Variants in UBE2R2 observed in about 807,000 individuals in gnomAD.
UBE2R2 encodes the protein ubiquitin-conjugating enzyme E2 R2.
UBE2R2 carries 1 observed loss-of-function variant against 27.8 expected under a neutral mutation model. The observed-to-expected ratio is 0.04, with a 90% confidence interval of 0.01 to 0.17. The LOEUF (loss-of-function observed/expected upper bound fraction) is 0.17. Ranked by LOEUF, UBE2R2 falls within the 10% of genes least tolerant of loss-of-function variation. UBE2R2 has a pLI of 1.00. For missense variants in UBE2R2, 100 were observed against 291.0 expected, an observed-to-expected ratio of 0.34 and a Z score of 4.78; for synonymous variants, 106 against 113.3, an observed-to-expected ratio of 0.94 and a Z score of 0.41.
In UBE2R2 at chr9:33,818,551, AAG is replaced by A. The variant is rs1403334602; in HGVS notation, c.177+618_177+619del. Reference sequence around the variant, plus strand: ...TGGTAAAAAAAAAAAAAAAAAAAAAAAGGGTGCCCGCGTCGTCTTGTCATTAT... The same window carrying A: ...TGGTAAAAAAAAAAAAAAAAAAAAAAGGTGCCCGCGTCGTCTTGTCATTAT... On this transcript the variant is annotated intron_variant, in intron 1 of 4. Coordinates refer to ENST00000263228, the MANE Select transcript of UBE2R2 (RefSeq NM_017811.4). 1.6e-3 allele frequency: 168 copies of A among 104,310 alleles called. 2 individuals carry two copies. In the South Asian group the frequency reaches 0.018, roughly 11 times the overall value. The allele number at this position is 104,310 out of a possible 1,614,324, so 6.5% of individuals were successfully genotyped here. A position where few individuals can be genotyped will look rare whatever the true frequency, so the allele number is the denominator to read the frequency against.
At chr9:33,883,663 C>A (rs892352743) in intron 1 of UBE2R2, among the ~76,000 whole-genome samples, 1 of 143,462 alleles carries the variant, frequency 7.0e-6, no homozygotes, top group Non-Finnish European at 1.5e-5. Context: ...TGCAGTGAGC[C>A]GAGATTGCAC....
intron 1 of UBE2R2, among the ~76,000 whole-genome samples, chr9:33,844,942 T>G (rs1428433872): frequency 6.6e-6 from 1 of 151,760 alleles, no homozygotes; most frequent in East Asian, 2.0e-4. Flanking sequence ...AATTTTTTTG[T>G]ATTGTTAGTA....
intron 1 of UBE2R2, among the ~76,000 whole-genome samples, chr9:33,841,980 C>G (rs1356083212): frequency 1.3e-5 from 2 of 152,128 alleles, no homozygotes; most frequent in East Asian, 1.9e-4. Context: ...ATGCAATATT[C>G]TCTTTCAACC....
At chr9:33,817,097 T>C (rs936330567), upstream of UBE2R2, among the ~76,000 whole-genome samples, 1 of 151,844 alleles carries the variant, frequency 6.6e-6, no homozygotes, top group South Asian at 2.1e-4. Context: ...CGCCAGCCGC[T>C]GAGAGCCGCC....
intron 1 of UBE2R2, among the ~76,000 whole-genome samples, chr9:33,861,045 G>A (rs1377545028): frequency 6.0e-5 from 9 of 150,556 alleles, no homozygotes; most frequent in Admixed American, 1.3e-4. Flanking sequence ...TGCAAGCTCC[G>A]CCTCCTGGGT....
chr9:33,822,814 T>C (rs1175795788), intron 1 of UBE2R2, among the ~76,000 whole-genome samples: 2 of 151,960 alleles, frequency 1.3e-5, no homozygotes, highest in Admixed American at 6.6e-5. Flanking sequence ...GCCTTCCCTC[T>C]TCCCCCTAAA....
chr9:33,840,344 G>A (rs1240505641), intron 1 of UBE2R2, among the ~76,000 whole-genome samples: 7 of 151,910 alleles, frequency 4.6e-5, no homozygotes, highest in Admixed American at 2.6e-4. Flanking sequence ...TTTTATCACC[G>A]TGTACATTCT....
intron 1 of UBE2R2, chr9:33,818,677 G>C (rs1825895794): frequency 1.3e-5 from 2 of 152,052 alleles, no homozygotes; most frequent in Non-Finnish European, 2.9e-5. Context: ...ATGCCACCAA[G>C]TTTGCCAACC....
chr9:33,819,168 G>C (rs1310476633), intron 1 of UBE2R2, among the ~76,000 whole-genome samples: 1 of 152,116 alleles, frequency 6.6e-6, no homozygotes, highest in African/African-American at 2.4e-5. Flanking sequence ...TTTTAGTTTG[G>C]AAGGGAGGGG....
chr9:33,855,332 A>G (rs1190319767), intron 1 of UBE2R2, among the ~76,000 whole-genome samples: 1 of 152,202 alleles, frequency 6.6e-6, no homozygotes, highest in African/African-American at 2.4e-5. Flanking sequence ...AGATGGACCA[A>G]GAACTTAAAA....
At chr9:33,860,976 TG>T in intron 1 of UBE2R2, among the ~76,000 whole-genome samples, 1 of 150,630 alleles carries the variant, frequency 6.6e-6, no homozygotes, top group Middle Eastern at 3.4e-3. Flanking sequence ...TTTTTTTTTT[TG>T]AGACGGAGTC....
At chr9:33,908,991 A>T (rs1044483413) in intron 3 of UBE2R2, among the ~76,000 whole-genome samples, 5 of 141,178 alleles carry the variant, frequency 3.5e-5, no homozygotes, top group Non-Finnish European at 7.4e-5. Flanking sequence ...GGGGCAACAT[A>T]GTGAGACCCT....
At chr9:33,904,518 A>AC (rs1475927622) in intron 3 of UBE2R2, among the ~76,000 whole-genome samples, 1 of 152,210 alleles carries the variant, frequency 6.6e-6, no homozygotes, top group Non-Finnish European at 1.5e-5. Context: ...ATTGTTCAGC[A>AC]CCTCAATGGA....
At chr9:33,844,357 A>C (rs1157159168) in intron 1 of UBE2R2, among the ~76,000 whole-genome samples, 1 of 152,022 alleles carries the variant, frequency 6.6e-6, no homozygotes, top group East Asian at 1.9e-4. Flanking sequence ...GGTGTGCGCC[A>C]CCATGCCCAG....
In UBE2R2 at chr9:33,817,256, C is replaced by T. The variant is rs1825805683; in HGVS notation, c.-502C>T. On this transcript the variant is annotated 5_prime_UTR_variant, in exon 1 of 5. Coordinates refer to ENST00000263228, the MANE Select transcript of UBE2R2 (RefSeq NM_017811.4). Reference sequence around the variant, plus strand: ...CCCGCGCAGCCCCCGCCGCCACCGCCGCGAGACCCCCGCACGCCGCTCTCC... The same window carrying T: ...CCCGCGCAGCCCCCGCCGCCACCGCTGCGAGACCCCCGCACGCCGCTCTCC... Among the ~76,000 whole-genome samples, 1 of 150,108 alleles carries T rather than the reference C, an allele frequency of 6.7e-6. No homozygotes were observed. The highest frequency in any genetic ancestry group is 1.5e-5 in the Non-Finnish European group (1 of 67,152).
chr9:33,878,732 T>C (rs186921003), intron 1 of UBE2R2, among the ~76,000 whole-genome samples: 34 of 152,098 alleles, frequency 2.2e-4, no homozygotes, highest in Non-Finnish European at 4.3e-4. Context: ...TTGGTAGAGA[T>C]TTTATAGGAT....
intron 3 of UBE2R2, among the ~76,000 whole-genome samples, chr9:33,905,249 AAAAG>A (rs200152838): frequency 0.013 from 1,942 of 152,320 alleles, 21 homozygotes; most frequent in Non-Finnish European, 0.021. Context: ...TGTTTGGTAT[AAAAG>A]AGTCTGTCTC....
intron 1 of UBE2R2, among the ~76,000 whole-genome samples, chr9:33,859,311 T>C (rs868793064): frequency 7.9e-5 from 12 of 152,218 alleles, no homozygotes; most frequent in African/African-American, 2.7e-4. Flanking sequence ...AGCTGACATA[T>C]TCAGAAATTT....
intron 1 of UBE2R2, among the ~76,000 whole-genome samples, chr9:33,879,501 T>C (rs1482104187): frequency 6.6e-6 from 1 of 152,212 alleles, no homozygotes; most frequent in Non-Finnish European, 1.5e-5. Context: ...TCACCCAGGC[T>C]GGAGTGCAGT....
Sources: allele counts gnomAD v4.1 joint callset (sites outside exome capture counted in the v4.1 genomes callset), GRCh38; gene constraint gnomAD v4.1.1; transcripts MANE v1.5; gene names NCBI Gene and HGNC (gene_info 2026-07-23, HGNC 2026-07-21).